The following RGS14 variants were observed in gnomAD, a reference collection of about 807,000 sequenced individuals.
RGS14 encodes the protein regulator of G-protein signaling 14.
RGS14 carries 33 observed loss-of-function variants against 63.8 expected under a neutral mutation model. The ratio of observed to expected loss-of-function variants is 0.52; its 90% confidence interval spans 0.39 to 0.69. The LOEUF (loss-of-function observed/expected upper bound fraction) is 0.69, where lower values mean the gene tolerates loss of function less well. RGS14 is among the 30% of genes least tolerant of loss of function. The probability of loss-of-function intolerance (pLI) is 0.00; values close to 1 mark genes in which losing one functional copy is unlikely to be tolerated. For synonymous variants in RGS14, 296 were observed against 320.9 expected, an observed-to-expected ratio of 0.92 and a Z score of 0.83; for missense variants, 739 against 742.9, an observed-to-expected ratio of 0.99 and a Z score of 0.06.
In RGS14 at chr5:177,370,920, G is replaced by T. The variant is rs368181197; in HGVS notation, c.1143G>T (p.Ala381=). 6.2e-7 allele frequency: 1 copy of T among 1,606,056 alleles called. No homozygotes were observed. The highest frequency in any genetic ancestry group is 8.5e-7 in the Non-Finnish European group (1 of 1,179,660). Residue 381 remains alanine (A), a synonymous_variant, in exon 11 of 15, where the codon GCG becomes GCT. Transcript: ENST00000408923. ...TTCCTCGCAGGCTGGAGCTGACGGC[G>T]CTGGAGCGCGTGGTACGAATCTCAG... ...NRITFELELT[A]LERVVRISAK...
In RGS14 at chr5:177,371,442, C is replaced by T. The variant is rs1762267238; in HGVS notation, c.1384-33C>T. The T allele has an allele frequency of 6.2e-7, 1 of 1,614,006 alleles. No homozygotes were observed. Among genetic ancestry groups the T allele is most frequent in the African/African-American group, 1.3e-5 (1 of 74,918 alleles). On this transcript the variant is annotated intron_variant, in intron 13 of 14. Transcript: ENST00000408923. This position sits in a 1 kb window ranked among gnomAD's most constrained non-coding sequence, Gnocchi z 6.1. ...CTCTTCCACCCTCTGCTTCTCCCCT[C>T]CCGATTTTGGCTCTGACCCCAAATT...
chr5:177,371,064 G>GGGGCC lies in RGS14; in HGVS notation c.1254+42_1254+46dup, dbSNP rs763372146. 1 of 736,228 alleles carries GGGGCC rather than the reference G, an allele frequency of 1.4e-6. No individual in the cohort carries two copies. The highest frequency in any genetic ancestry group is 1.6e-6 in the Non-Finnish European group (1 of 611,138). The allele number at this position is 736,228 out of a possible 1,614,324, so 45.6% of individuals were successfully genotyped here. ...TCCGGGCCGCGGGGCGGGGCGGGGC[G>GGGGCC]GGGCCGGGCCGGGGCCGGGGCCGGG... On this transcript the variant is annotated intron_variant, in intron 11 of 14. Transcript: ENST00000408923. The surrounding 1 kb of genome is among the most constrained non-coding windows in gnomAD (Gnocchi z 6.1).
chr5:177,363,344 G>C (rs898322628), intron 1 of RGS14, among the ~76,000 whole-genome samples: 1 of 152,070 alleles, frequency 6.6e-6, no homozygotes, highest in Non-Finnish European at 1.5e-5. Context: ...GGGGCGCGCT[G>C]GGCCCGACGC....
rs1375044889 is a variant in RGS14 at position 177,358,219 on chromosome 5, C to A, written c.45+150C>A. 7 of 583,786 alleles carry A rather than the reference C, an allele frequency of 1.2e-5. No homozygotes were observed. Among genetic ancestry groups the A allele is most frequent in the Non-Finnish European group, 1.8e-5 (7 of 386,504 alleles). The allele number at this position is 583,786 out of a possible 1,614,324, so 36.2% of individuals were successfully genotyped here. A position where few individuals can be genotyped will look rare whatever the true frequency, so the allele number is the denominator to read the frequency against. On this transcript the variant is annotated intron_variant, in intron 1 of 14. Coordinates refer to ENST00000408923, the MANE Select transcript of RGS14 (RefSeq NM_006480.5). The surrounding 1 kb of genome is among the most constrained non-coding windows in gnomAD (Gnocchi z 4.8). The stretch of plus-strand genomic sequence containing the variant: ...GTACAGACAGCAGCAGGTGGTAGGA[C>A]CTGGTGCTCTCACCCCTAGACCCTT...
intron 3 of RGS14, 127 bp from the exon 4 acceptor site, chr5:177,366,581 T>C: frequency 1.1e-6 from 1 of 904,122 alleles, no homozygotes; most frequent in Non-Finnish European, 1.8e-6. Context: ...TCCGTCTGTC[T>C]GTCTGGCCCT....
intron 1 of RGS14, among the ~76,000 whole-genome samples, chr5:177,361,582 C>T (rs954900738): frequency 1.3e-5 from 2 of 152,192 alleles, no homozygotes; most frequent in Middle Eastern, 3.2e-3. Flanking sequence ...CACATCTCAG[C>T]TGCATGGCTT....
chr5:177,371,667 C>T lies in RGS14; in HGVS notation c.1498+78C>T. 6.9e-7 allele frequency: 1 copy of T among 1,450,680 alleles called. No individual in the cohort carries two copies. Among genetic ancestry groups the T allele is most frequent in the South Asian group, 1.2e-5 (1 of 85,956 alleles). The allele number at this position is 1,450,680 out of a possible 1,614,324, so 89.9% of individuals were successfully genotyped here. A position where few individuals can be genotyped will look rare whatever the true frequency, so the allele number is the denominator to read the frequency against. ...ACCATTCAGGGTGGCATCAGAGAGCCTTGAGCTAAGGCAGGGGGCTGGGTG... is the reference window on the plus strand; with the variant it reads ...ACCATTCAGGGTGGCATCAGAGAGCTTTGAGCTAAGGCAGGGGGCTGGGTG... On this transcript the variant is annotated intron_variant, in intron 14 of 14. Transcript: ENST00000408923. This position sits in a 1 kb window ranked among gnomAD's most constrained non-coding sequence, Gnocchi z 6.1.
intron 1 of RGS14, among the ~76,000 whole-genome samples, chr5:177,361,891 C>A (rs996200534): frequency 6.6e-6 from 1 of 152,174 alleles, no homozygotes; most frequent in Non-Finnish European, 1.5e-5. Context: ...ATTCACTCAC[C>A]ACTTCTTCTC....
intron 1 of RGS14, among the ~76,000 whole-genome samples, chr5:177,360,585 A>C (rs1339567453): frequency 6.7e-6 from 1 of 149,616 alleles, no homozygotes; most frequent in Non-Finnish European, 1.5e-5. Context: ...AAAAAAAAAA[A>C]AAAAAGATGG....
intron 9 of RGS14, among the ~76,000 whole-genome samples, chr5:177,369,503 CTG>C (rs986177756): frequency 4.6e-5 from 7 of 152,136 alleles, no homozygotes; most frequent in Non-Finnish European, 8.8e-5. Context: ...AGATCTGGGG[CTG>C]TCCTCCTGGC....
In RGS14 at chr5:177,364,058, G is replaced by A. The variant is rs1762036295; in HGVS notation, c.46-1905G>A. On this transcript the variant is annotated intron_variant, in intron 1 of 14. Coordinates refer to ENST00000408923, the MANE Select transcript of RGS14 (RefSeq NM_006480.5). This position sits in a 1 kb window ranked among gnomAD's most constrained non-coding sequence, Gnocchi z 4.6. ...TCATAATAAAACCTGAGAGGGCCAA[G>A]GTAATAGTAATTTCCCACATATCTG... Among the ~76,000 whole-genome samples, 2 of 152,164 alleles carry A rather than the reference G, an allele frequency of 1.3e-5. No homozygotes were observed. Among genetic ancestry groups the A allele is most frequent in the Non-Finnish European group, 2.9e-5 (2 of 68,022 alleles).
chr5:177,371,315 G>A lies in RGS14; in HGVS notation c.1337-35G>A. Reference sequence around the variant, plus strand: ...CCCAGGAGGAAGGGGGTCCAGGTGGGAGGCAAACACTAACTGTGGCCCTCT... The same window carrying A: ...CCCAGGAGGAAGGGGGTCCAGGTGGAAGGCAAACACTAACTGTGGCCCTCT... On this transcript the variant is annotated intron_variant, in intron 12 of 14. Coordinates refer to ENST00000408923, the MANE Select transcript of RGS14 (RefSeq NM_006480.5). This position sits in a 1 kb window ranked among gnomAD's most constrained non-coding sequence, Gnocchi z 6.1. 1.2e-6 allele frequency: 2 copies of A among 1,614,122 alleles called. No homozygotes were observed. Among genetic ancestry groups the A allele is most frequent in the Non-Finnish European group, 8.5e-7 (1 of 1,180,004 alleles).
chr5:177,358,001 C>T lies in RGS14; in HGVS notation c.-24C>T, dbSNP rs372560096. On this transcript the variant is annotated 5_prime_UTR_variant, in exon 1 of 15. Coordinates refer to ENST00000408923, the MANE Select transcript of RGS14 (RefSeq NM_006480.5). This position sits in a 1 kb window ranked among gnomAD's most constrained non-coding sequence, Gnocchi z 4.8. ...TCCCCATGGTGGGCAGCCCCCGCGGCGGGGACCCCTGATCGGCAGCGGCAT... is the reference window on the plus strand; with the variant it reads ...TCCCCATGGTGGGCAGCCCCCGCGGTGGGGACCCCTGATCGGCAGCGGCAT... 132 of 1,344,372 alleles carry T rather than the reference C, an allele frequency of 9.8e-5. No homozygotes were observed. The highest frequency in any genetic ancestry group is 1.2e-4 in the Non-Finnish European group (126 of 1,038,888). 83.3% of individuals were successfully genotyped at this position (1,344,372 alleles called of 1,614,324 possible).
chr5:177,359,321 G>C lies in RGS14; in HGVS notation c.45+1252G>C, dbSNP rs1365886605. Among the ~76,000 whole-genome samples, 2 of 152,074 alleles carry C rather than the reference G, an allele frequency of 1.3e-5. No homozygotes were observed. Among genetic ancestry groups the C allele is most frequent in the South Asian group, 4.1e-4 (2 of 4,832 alleles). ...CTGTCTGCAGTACCGACCCCACAAC[G>C]AAAGTGCAAAAAGAAAACCCACCTC... On this transcript the variant is annotated intron_variant, in intron 1 of 14. Coordinates refer to ENST00000408923, the MANE Select transcript of RGS14 (RefSeq NM_006480.5). The surrounding 1 kb of genome is among the most constrained non-coding windows in gnomAD (Gnocchi z 4.4).
intron 10 of RGS14, 103 bp from the exon 11 acceptor site, chr5:177,370,802 C>CCCACCTTCTGCAGTTCAAGCT: frequency 1.3e-6 from 2 of 1,522,940 alleles, no homozygotes; most frequent in Admixed American, 3.7e-5. Context: ...ACAAGCCAGT[C>CCCACCTTCTGCAGTTCAAGCT]CCACCTTCTG....
rs1425560884 is a variant in RGS14, at chr5:177,371,527, C to T, written c.1436C>T (p.Pro479Leu). ...GCCACCCATCCCCCTCCAGCGTCCC[C>T]CAGTTCTCTGGTGAAGGTGCCCAGT... ...DKATHPPPAS[P>L]SSLVKVPSSA... is the part of the protein sequence containing the mutation. Residue 479 changes from proline to leucine, a missense_variant, in exon 14 of 15, where the codon CCC (proline) becomes CTC (leucine). By Grantham distance (98) the Pro-to-Leu change is moderately conservative (BLOSUM62 -3). Coordinates refer to ENST00000408923, the MANE Select transcript of RGS14 (RefSeq NM_006480.5). This position sits in a 1 kb window ranked among gnomAD's most constrained non-coding sequence, Gnocchi z 6.1. 4 of 1,614,130 alleles carry T rather than the reference C, an allele frequency of 2.5e-6. No individual in the cohort carries two copies. The highest frequency in any genetic ancestry group is 3.4e-6 in the Non-Finnish European group (4 of 1,180,022).
In RGS14 at chr5:177,368,795, G is replaced by C; in HGVS notation, c.928G>C (p.Asp310His). The part of the protein sequence containing the change: ...PGKYCCVYLP[D>H]GTASLALARP... Reference sequence around the variant, plus strand: ...GAAGTACTGCTGTGTGTACCTGCCCGATGGCACAGCCTCCTTGGCCCTGGC... The same window carrying C: ...GAAGTACTGCTGTGTGTACCTGCCCCATGGCACAGCCTCCTTGGCCCTGGC... The change falls in exon 9 of 15, where the codon GAT becomes CAT. Residue 310 changes from aspartate (D) to histidine (H), a missense_variant. By Grantham distance (81) the Asp-to-His change is moderately conservative. Transcript: ENST00000408923. The C allele has an allele frequency of 6.2e-7, 1 of 1,614,218 alleles. No homozygotes were observed. The highest frequency in any genetic ancestry group is 8.5e-7 in the Non-Finnish European group (1 of 1,180,032).
At chr5:177,369,981 G>A (rs560517322) in intron 9 of RGS14, among the ~76,000 whole-genome samples, 16 of 152,364 alleles carry the variant, frequency 1.1e-4, no homozygotes, top group Admixed American at 3.3e-4. Flanking sequence ...TGGTCATCAC[G>A]AGAGTTACTG....
intron 8 of RGS14, 47 bp from the exon 9 acceptor site, chr5:177,368,670 C>T: frequency 6.3e-7 from 1 of 1,583,764 alleles, no homozygotes; most frequent in South Asian, 1.1e-5. Context: ...TGTGTGCATG[C>T]CCTTGCATGT....
Sources: allele counts gnomAD v4.1 joint callset (sites outside exome capture counted in the v4.1 genomes callset), GRCh38; gene constraint gnomAD v4.1.1; non-coding constraint Gnocchi (gnomAD v3.1); transcripts MANE v1.5; gene names NCBI Gene and HGNC (gene_info 2026-07-23, HGNC 2026-07-21).